The following CDC73 variants were observed in gnomAD, a reference collection of about 807,000 sequenced individuals.
CDC73 encodes the protein parafibromin.
A neutral mutation model predicts 83.7 loss-of-function variants in CDC73; 21 were observed. That is an observed-to-expected ratio of 0.25 (90% CI 0.18 to 0.36). The LOEUF is 0.36. CDC73 is among the 10% of genes least tolerant of loss of function. CDC73 has a pLI of 1.00. For synonymous variants in CDC73, 224 were observed against 212.9 expected (o/e 1.05, Z -0.45); for missense variants, 342 against 653.3 (o/e 0.52, Z 5.19).
chr1:193,236,093 A>G lies in CDC73; in HGVS notation c.1317-163A>G, dbSNP rs79418522. On this transcript the variant is annotated intron_variant, in intron 14 of 16. Transcript: ENST00000367435. ...CATTCTAATGGCAATATCATATTGA[A>G]AAGGTGGTAAGTACTGTATTTGCTT... Among the ~76,000 whole-genome samples, 1,901 of 152,340 alleles carry G rather than the reference A, an allele frequency of 0.012. 40 individuals are homozygous for G. The highest frequency in any genetic ancestry group is 0.043 in the African/African-American group (1,772 of 41,582).
chr1:193,230,144 T>C (rs1677635528), intron 13 of CDC73, among the ~76,000 whole-genome samples: 1 of 137,520 alleles, frequency 7.3e-6, no homozygotes, highest in African/African-American at 2.7e-5. Context: ...ATTCCCATTC[T>C]TTTTTTTTTT....
At chr1:193,131,625 T>A (rs1675694992) in intron 3 of CDC73, among the ~76,000 whole-genome samples, 1 of 152,236 alleles carries the variant, frequency 6.6e-6, no homozygotes, top group Admixed American at 6.5e-5. Flanking sequence ...TGACTCCATC[T>A]TCTACCATTC....
intron 2 of CDC73, among the ~76,000 whole-genome samples, chr1:193,125,825 T>C (rs1389408441): frequency 6.6e-6 from 1 of 152,122 alleles, no homozygotes. Context: ...CTCATGGGTT[T>C]CAAATCAAAA....
intron 10 of CDC73, among the ~76,000 whole-genome samples, chr1:193,155,957 T>C (rs1313732389): frequency 6.6e-6 from 1 of 152,200 alleles, no homozygotes; most frequent in East Asian, 1.9e-4. Flanking sequence ...TAGTGTTTCA[T>C]AGAATCAGGT....
At chr1:193,181,210 G>T (rs1676709251) in intron 10 of CDC73, 2 of 1,613,784 alleles carry the variant, frequency 1.2e-6, no homozygotes, top group African/African-American at 1.3e-5. Context: ...ACTTCCATTG[G>T]CACTAAGTGT....
Position 193,135,534 on chromosome 1 carries a change from T to TAA in CDC73, c.371-2_371-1insAA. ...CATTTATTTACTTCTCTTTCTTTTA[T>TAA]AGTCAAACGAGCTGCAGATGAAGTT... On this transcript the variant is annotated splice_region_variant and splice_polypyrimidine_tract_variant and intron_variant, in intron 4 of 16. Coordinates refer to ENST00000367435, the MANE Select transcript of CDC73 (RefSeq NM_024529.5). 6.2e-7 allele frequency: 1 copy of TAA among 1,613,548 alleles called. No homozygotes were observed. The highest frequency in any genetic ancestry group is 8.5e-7 in the Non-Finnish European group (1 of 1,179,532).
chr1:193,210,164 G>A (rs1677253025), intron 11 of CDC73, among the ~76,000 whole-genome samples: 1 of 152,158 alleles, frequency 6.6e-6, no homozygotes, highest in Non-Finnish European at 1.5e-5. Context: ...GTATGTGTTT[G>A]TGTATATAGT....
At chr1:193,143,306 C>T (rs1032110595) in intron 7 of CDC73, among the ~76,000 whole-genome samples, 3 of 152,152 alleles carry the variant, frequency 2.0e-5, no homozygotes, top group African/African-American at 7.2e-5. Context: ...TACTGATTTT[C>T]ACTGTCTAGC....
chr1:193,238,298 C>CCTTTCCCCTAGCTTCTT (rs1341963751), intron 15 of CDC73, among the ~76,000 whole-genome samples: 3 of 152,154 alleles, frequency 2.0e-5, no homozygotes, highest in Non-Finnish European at 4.4e-5. Context: ...TTGACCTCAC[C>CCTTTCCCCTAGCTTCTT]CTTTCCCCTA....
At chr1:193,231,219 C>T (rs1313025894) in intron 13 of CDC73, among the ~76,000 whole-genome samples, 4 of 151,940 alleles carry the variant, frequency 2.6e-5, no homozygotes, top group Non-Finnish European at 5.9e-5. Flanking sequence ...ACTTTAACAC[C>T]ATGTTAAAAT....
chr1:193,162,953 G>A (rs986331438), intron 10 of CDC73, among the ~76,000 whole-genome samples: 2 of 152,030 alleles, frequency 1.3e-5, no homozygotes, highest in African/African-American at 4.8e-5. Flanking sequence ...TCTTACTTGT[G>A]TTCTATAGAT....
chr1:193,217,179 C>T (rs570030346), intron 13 of CDC73, among the ~76,000 whole-genome samples: 22 of 152,216 alleles, frequency 1.4e-4, no homozygotes, highest in African/African-American at 4.3e-4. Context: ...AGCACACCGA[C>T]GGGCAGGCTG....
At chr1:193,206,093 CTGA>C (rs1459513775) in intron 11 of CDC73, among the ~76,000 whole-genome samples, 3 of 152,128 alleles carry the variant, frequency 2.0e-5, no homozygotes, top group African/African-American at 7.2e-5. Context: ...GGGAGAGGCA[CTGA>C]TACCTAAACA....
At chr1:193,184,421 G>GTTC (rs368531715) in intron 10 of CDC73, among the ~76,000 whole-genome samples, 273 of 152,004 alleles carry the variant, frequency 1.8e-3, no homozygotes, top group African/African-American at 6.3e-3. Context: ...ATGCAAAATA[G>GTTC]TTCTGCACTT....
In CDC73 at chr1:193,152,446, T is replaced by G; in HGVS notation, c.972+2T>G. 6.3e-7 allele frequency: 1 copy of G among 1,596,798 alleles called. No homozygotes were observed. On this transcript the variant is annotated splice_donor_variant, in intron 10 of 16. Transcript: ENST00000367435. LOFTEE classifies it high-confidence loss of function. ...GGTATGACACTGAAATCTGTAACGGTAAGTTAATTTGGCTGTAGATGTTCT... is the reference window on the plus strand; with the variant it reads ...GGTATGACACTGAAATCTGTAACGGGAAGTTAATTTGGCTGTAGATGTTCT...
At chr1:193,236,380 G>C (rs1444513750) in intron 15 of CDC73, 24 bp downstream of exon 15, 1 of 1,339,808 alleles carries the variant, frequency 7.5e-7, no homozygotes, top group Non-Finnish European at 1.1e-6. Context: ...TGTATTTACT[G>C]TATCCAGTAT....
chr1:193,122,370 A>G (rs767858420), intron 1 of CDC73, 39 bp downstream of exon 1: 8 of 1,613,446 alleles, frequency 5.0e-6, no homozygotes, highest in Non-Finnish European at 5.9e-6. Flanking sequence ...GTGGCAGGGC[A>G]GAGTTGGGCG....
chr1:193,204,713 A>G (rs1227986949), intron 11 of CDC73, among the ~76,000 whole-genome samples: 1 of 152,222 alleles, frequency 6.6e-6, no homozygotes, highest in African/African-American at 2.4e-5. Flanking sequence ...ATAAATAGGT[A>G]TAGAGAAGAG....
intron 11 of CDC73, among the ~76,000 whole-genome samples, chr1:193,209,478 G>A (rs1332301202): frequency 6.6e-6 from 1 of 152,144 alleles, no homozygotes; most frequent in Non-Finnish European, 1.5e-5. Flanking sequence ...CCTAGACAGT[G>A]GCAAAATAAG....
Sources: gnomAD v4.1 joint callset for allele counts (sites outside exome capture counted in the v4.1 genomes callset) on GRCh38, gnomAD v4.1.1 for gene constraint, MANE v1.5 for transcripts, NCBI Gene and HGNC (gene_info 2026-07-23, HGNC 2026-07-21) for gene names.